The following SND1 variants were observed in gnomAD, a reference collection of about 807,000 sequenced individuals.
The protein encoded by SND1 is staphylococcal nuclease domain-containing protein 1.
SND1 carries 38 observed loss-of-function variants against 121.7 expected under a neutral mutation model. The ratio of observed to expected loss-of-function variants is 0.31; its 90% CI spans 0.24 to 0.41. The LOEUF is 0.41. Ranked by LOEUF, SND1 falls within the 10% of genes least tolerant of loss-of-function variation. The pLI is 1.00. For missense variants in SND1, 868 were observed against 1,184.6 expected (o/e 0.73, Z 3.92); for synonymous variants, 401 against 447.4 (o/e 0.90, Z 1.31).
intron 14 of SND1, among the ~76,000 whole-genome samples, chr7:127,916,500 A>G (rs1368099003): frequency 2.0e-5 from 3 of 152,204 alleles, no homozygotes; most frequent in Non-Finnish European, 2.9e-5. Context: ...GTTTAGGACT[A>G]TAGGACACCT....
At chr7:127,670,113 C>T (rs1335779464) in intron 1 of SND1, among the ~76,000 whole-genome samples, 2 of 151,958 alleles carry the variant, frequency 1.3e-5, no homozygotes, top group Non-Finnish European at 2.9e-5. Flanking sequence ...GCCTCACCCT[C>T]CTGAGTAGCT....
intron 2 of SND1, among the ~76,000 whole-genome samples, chr7:127,690,480 C>G (rs1795894034): frequency 6.6e-6 from 1 of 152,218 alleles, no homozygotes; most frequent in Non-Finnish European, 1.5e-5. Flanking sequence ...AAGATTCAGC[C>G]ACTTAAGAAA....
intron 16 of SND1, among the ~76,000 whole-genome samples, chr7:128,068,957 G>A (rs145039024): frequency 3.3e-5 from 5 of 152,388 alleles, no homozygotes; most frequent in African/African-American, 1.2e-4. Context: ...CCCACTGGCT[G>A]CTCTAGCCCA....
At chr7:127,839,534 C>T (rs1798926412) in intron 11 of SND1, among the ~76,000 whole-genome samples, 1 of 152,064 alleles carries the variant, frequency 6.6e-6, no homozygotes. Context: ...TGGTTTGATA[C>T]TGTTCTAGTC....
chr7:127,764,653 G>C (rs1420923103), intron 10 of SND1, among the ~76,000 whole-genome samples: 1 of 152,160 alleles, frequency 6.6e-6, no homozygotes, highest in Non-Finnish European at 1.5e-5. Flanking sequence ...TTTCAGAAAT[G>C]CTGTCTTTTT....
chr7:127,848,282 GTATTTCAATGA>G (rs1263465296), intron 12 of SND1, among the ~76,000 whole-genome samples: 4 of 152,204 alleles, frequency 2.6e-5, no homozygotes, highest in Non-Finnish European at 5.9e-5. Context: ...TTGTGTGCTT[GTATTTCAATGA>G]TATTTAATGA....
chr7:127,923,886 A>G (rs1800774900), intron 14 of SND1, among the ~76,000 whole-genome samples: 8 of 150,158 alleles, frequency 5.3e-5, no homozygotes, highest in Admixed American at 5.3e-4. Context: ...TGATCTCCAC[A>G]CTCTTTTTTT....
At position 128,085,201 on chromosome 7, in the gene SND1, A is replaced by G. The variant is rs1049771437; in HGVS notation, c.2234+354A>G. ...AGGGGGCTGAGGTAGAGGCTGGGCT[A>G]CAGTAAGCCTAAACCAGCTGCCCGA... On this transcript the variant is annotated intron_variant, in intron 19 of 23. Transcript: ENST00000354725. The surrounding 1 kb of genome is among the most constrained non-coding windows in gnomAD (Gnocchi z 4.4). Among the ~76,000 whole-genome samples, 4 of 152,024 alleles carry G rather than the reference A, an allele frequency of 2.6e-5. No individual in the cohort carries two copies. The highest frequency in any genetic ancestry group is 9.7e-5 in the African/African-American group (4 of 41,404).
At chr7:128,057,517 G>A (rs911354135) in intron 16 of SND1, among the ~76,000 whole-genome samples, 1 of 152,188 alleles carries the variant, frequency 6.6e-6, no homozygotes, top group Non-Finnish European at 1.5e-5. Context: ...CTCCTGCTCA[G>A]CATTTCTTAG....
intron 16 of SND1, among the ~76,000 whole-genome samples, chr7:128,068,572 T>G (rs564004746): frequency 1.3e-5 from 2 of 152,148 alleles, no homozygotes; most frequent in African/African-American, 4.8e-5. Context: ...AGGGACCAAG[T>G]GTATATTTCT....
In SND1 at chr7:128,085,074, C is replaced by G. The variant is rs905181230; in HGVS notation, c.2234+227C>G. Among the ~76,000 whole-genome samples, 9 of 152,186 alleles carry G rather than the reference C, an allele frequency of 5.9e-5. No individual in the cohort carries two copies. Among genetic ancestry groups the G allele is most frequent in the Non-Finnish European group, 1.2e-4 (8 of 68,016 alleles). The stretch of plus-strand genomic sequence containing the variant: ...GACAGAAGTGGCTCCTTCCTTGTCT[C>G]CTGGGGGATTCCAGGGTGGGAGCCC... On this transcript the variant is annotated intron_variant, in intron 19 of 23. Transcript: ENST00000354725. This position sits in a 1 kb window ranked among gnomAD's most constrained non-coding sequence, Gnocchi z 4.4.
intron 10 of SND1, among the ~76,000 whole-genome samples, chr7:127,805,027 A>G (rs1031625554): frequency 6.6e-6 from 1 of 152,154 alleles, no homozygotes; most frequent in African/African-American, 2.4e-5. Flanking sequence ...CTGTCTGGCA[A>G]GCATTCTTAC....
At chr7:127,738,286 C>CTTT (rs889082580) in intron 10 of SND1, among the ~76,000 whole-genome samples, 3 of 122,656 alleles carry the variant, frequency 2.4e-5, no homozygotes, top group Admixed American at 8.6e-5. Flanking sequence ...TTTTTTTTTT[C>CTTT]TTTTTTTTTT....
chr7:127,966,198 A>C (rs2116878034), intron 15 of SND1, among the ~76,000 whole-genome samples: 1 of 151,986 alleles, frequency 6.6e-6, no homozygotes, highest in East Asian at 1.9e-4. Context: ...TGATCCTTTC[A>C]AAAGCAGGTC....
At chr7:127,885,571 G>A (rs1006652532) in intron 12 of SND1, among the ~76,000 whole-genome samples, 12 of 152,124 alleles carry the variant, frequency 7.9e-5, no homozygotes, top group African/African-American at 2.9e-4. Context: ...TTTGCTGATA[G>A]GATAAAGAGG....
At chr7:127,909,875 A>C (rs1347029208) in intron 14 of SND1, among the ~76,000 whole-genome samples, 1 of 152,170 alleles carries the variant, frequency 6.6e-6, no homozygotes, top group African/African-American at 2.4e-5. Context: ...CTGACTTGCT[A>C]ATGTGAAGGA....
intron 16 of SND1, chr7:127,997,922 G>C (rs1261348792): frequency 5.6e-6 from 3 of 534,692 alleles, no homozygotes; most frequent in Non-Finnish European, 1.2e-5. Context: ...TCCCAGGCTA[G>C]ATGAGATGTC....
rs148083487 is a variant in SND1 at position 128,025,308 on chromosome 7, A to G, written c.1779+34252A>G. ...CCTGGGTGAGAAAGCACATTGACTC[A>G]GGAGTCAAAAGACCTGGGCTTTTAG... On this transcript the variant is annotated intron_variant, in intron 16 of 23. Coordinates refer to ENST00000354725, the MANE Select transcript of SND1 (RefSeq NM_014390.4). Among the ~76,000 whole-genome samples the G allele has an allele frequency of 8.5e-5, 13 of 152,332 alleles. No individual in the cohort carries two copies. The East Asian group carries it at 2.5e-3, about 29-fold the overall frequency.
rs1312113476 is a variant in SND1, at chr7:127,702,541, T to C, written c.681+15T>C. ...CAGGCATCAAGGTCAGACCATACTC[T>C]TGGCTACGTGGTGGGTTTAGAGTGT... On this transcript the variant is annotated intron_variant, in intron 6 of 23. Coordinates refer to ENST00000354725, the MANE Select transcript of SND1 (RefSeq NM_014390.4). 6.2e-7 allele frequency: 1 copy of C among 1,608,194 alleles called. No homozygotes were observed. The highest frequency in any genetic ancestry group is 8.5e-7 in the Non-Finnish European group (1 of 1,174,644).
Sources: allele counts gnomAD v4.1 joint callset (sites outside exome capture counted in the v4.1 genomes callset), GRCh38; gene constraint gnomAD v4.1.1; non-coding constraint Gnocchi (gnomAD v3.1); transcripts MANE v1.5; gene names NCBI Gene and HGNC (gene_info 2026-07-23, HGNC 2026-07-21).